CNTNAP2: variants seen among roughly 807,000 people sequenced by gnomAD.
CNTNAP2 encodes contactin associated protein 2.
A neutral mutation model predicts 155.2 loss-of-function variants in CNTNAP2; 98 were observed. That is an observed-to-expected ratio of 0.63 (90% CI 0.54 to 0.75). CNTNAP2 has a LOEUF of 0.75. CNTNAP2 is among the 30% of genes least tolerant of loss of function. CNTNAP2 has a pLI of 0.00. For missense variants in CNTNAP2, 1,727 were observed against 1,688.1 expected (o/e 1.02, Z -0.40); for synonymous variants, 651 against 631.2 (o/e 1.03, Z -0.47).
intron 1 of CNTNAP2, among the ~76,000 whole-genome samples, chr7:146,413,389 G>A (rs1163644252): frequency 2.0e-5 from 3 of 152,106 alleles, no homozygotes; most frequent in African/African-American, 7.2e-5. Flanking sequence ...AGGAAATACA[G>A]GAGTTTCGGT....
At chr7:146,915,136 G>A (rs1208496035) in intron 3 of CNTNAP2, among the ~76,000 whole-genome samples, 3 of 151,890 alleles carry the variant, frequency 2.0e-5, no homozygotes, top group Admixed American at 2.0e-4. Flanking sequence ...ATAAGTATTT[G>A]GCTCTATTTA....
At chr7:147,063,753 TCA>T (rs1461499955) in intron 4 of CNTNAP2, among the ~76,000 whole-genome samples, 2 of 152,130 alleles carry the variant, frequency 1.3e-5, no homozygotes, top group East Asian at 3.8e-4. Context: ...CCTTGTCTAG[TCA>T]CAGTTTTAAT....
At chr7:146,932,853 A>G (rs937106944) in intron 3 of CNTNAP2, among the ~76,000 whole-genome samples, 4 of 152,000 alleles carry the variant, frequency 2.6e-5, no homozygotes, top group African/African-American at 9.7e-5. Context: ...TCAAAGAAAA[A>G]AAAATACCTA....
intron 1 of CNTNAP2, among the ~76,000 whole-genome samples, chr7:146,336,146 C>A (rs1004915537): frequency 6.6e-6 from 1 of 150,978 alleles, no homozygotes; most frequent in Non-Finnish European, 1.5e-5. Flanking sequence ...TTGTGGTGAG[C>A]CGAGATCACA....
At chr7:146,858,175 A>T (rs1294362168) in intron 3 of CNTNAP2, among the ~76,000 whole-genome samples, 3 of 152,234 alleles carry the variant, frequency 2.0e-5, no homozygotes, top group Non-Finnish European at 4.4e-5. Flanking sequence ...TGAGGAGGAC[A>T]TGAAGGTTTT....
chr7:146,641,109 A>G (rs1037584115), intron 1 of CNTNAP2, among the ~76,000 whole-genome samples: 34 of 152,028 alleles, frequency 2.2e-4, no homozygotes, highest in African/African-American at 8.2e-4. Context: ...GGCGGATCAC[A>G]AGGTCAGGAG....
chr7:147,755,071 T>C (rs1321076622), intron 13 of CNTNAP2, among the ~76,000 whole-genome samples: 1 of 152,194 alleles, frequency 6.6e-6, no homozygotes, highest in African/African-American at 2.4e-5. Context: ...AATAGATGCC[T>C]ACACATGTAG....
intron 21 of CNTNAP2, among the ~76,000 whole-genome samples, chr7:148,328,856 A>C (rs898182543): frequency 1.3e-4 from 19 of 151,712 alleles, no homozygotes; most frequent in African/African-American, 4.6e-4. Context: ...CACACCTGTA[A>C]TCCCAGCTAC....
intron 10 of CNTNAP2, among the ~76,000 whole-genome samples, chr7:147,479,135 G>C (rs1176219610): frequency 6.6e-6 from 1 of 152,196 alleles, no homozygotes; most frequent in East Asian, 1.9e-4. Flanking sequence ...AACTAAACAT[G>C]CAGGCCCTTG....
intron 16 of CNTNAP2, among the ~76,000 whole-genome samples, chr7:148,129,986 G>T (rs1292153409): frequency 6.6e-6 from 1 of 152,198 alleles, no homozygotes; most frequent in Non-Finnish European, 1.5e-5. Context: ...ACCAAACGTA[G>T]TCAGGAGATC....
chr7:147,452,041 C>T (rs1390083727), intron 10 of CNTNAP2, among the ~76,000 whole-genome samples: 1 of 152,188 alleles, frequency 6.6e-6, no homozygotes, highest in East Asian at 1.9e-4. Context: ...CCATCTATTA[C>T]AAATTACCCC....
At position 146,282,240 on chromosome 7, in the gene CNTNAP2, A is replaced by C. The variant is rs532454562; in HGVS notation, c.97+165267A>C. ...TCCGTGATCTTTCACCTCTGACCGG[A>C]CGTTTGTATCTTTTGCCCCCAACGT... On this transcript the variant is annotated intron_variant, in intron 1 of 23. Transcript: ENST00000361727. Among the ~76,000 whole-genome samples the C allele has an allele frequency of 2.0e-3, 309 of 152,294 alleles. 3 individuals are homozygous for C. The highest frequency in any genetic ancestry group is 7.0e-3 in the African/African-American group (290 of 41,564).
chr7:146,270,224 TG>T (rs2129083173), intron 1 of CNTNAP2, among the ~76,000 whole-genome samples: 1 of 152,342 alleles, frequency 6.6e-6, no homozygotes, highest in East Asian at 1.9e-4. Context: ...TATAGAATTT[TG>T]TATAGAATTC....
intron 1 of CNTNAP2, among the ~76,000 whole-genome samples, chr7:146,306,041 G>A (rs759727895): frequency 1.4e-4 from 22 of 151,800 alleles, no homozygotes; most frequent in South Asian, 4.2e-4. Flanking sequence ...TCAAATAGAC[G>A]CAATAAAAAA....
chr7:148,021,836 G>A (rs1050550486), intron 15 of CNTNAP2, among the ~76,000 whole-genome samples: 5 of 152,172 alleles, frequency 3.3e-5, no homozygotes, highest in African/African-American at 1.2e-4. Context: ...AAGCTGTACC[G>A]AGTCAGTGGC....
intron 3 of CNTNAP2, among the ~76,000 whole-genome samples, chr7:147,003,859 T>A (rs1157695794): frequency 6.6e-6 from 1 of 151,846 alleles, no homozygotes; most frequent in African/African-American, 2.4e-5. Context: ...TGAGCCCCCA[T>A]ATTTACAAAT....
At chr7:146,237,194 G>A (rs1799488623) in intron 1 of CNTNAP2, among the ~76,000 whole-genome samples, 1 of 152,136 alleles carries the variant, frequency 6.6e-6, no homozygotes, top group African/African-American at 2.4e-5. Context: ...GTGGCCTTGT[G>A]TGACTTTAAC....
intron 1 of CNTNAP2, among the ~76,000 whole-genome samples, chr7:146,528,874 C>T (rs1027634158): frequency 6.6e-6 from 1 of 151,936 alleles, no homozygotes; most frequent in African/African-American, 2.4e-5. Context: ...CTTTATCACA[C>T]TGCAGTTACA....
intron 9 of CNTNAP2, among the ~76,000 whole-genome samples, chr7:147,382,041 T>G (rs1324738011): frequency 6.6e-6 from 1 of 152,086 alleles, no homozygotes; most frequent in African/African-American, 2.4e-5. Flanking sequence ...TTAATTTTCA[T>G]TAAATCAATT....
Sources: gnomAD v4.1 joint callset for allele counts (sites outside exome capture counted in the v4.1 genomes callset) on GRCh38, gnomAD v4.1.1 for gene constraint, MANE v1.5 for transcripts, NCBI Gene and HGNC (gene_info 2026-07-23, HGNC 2026-07-21) for gene names.